The following GRAMD4 variants were observed in gnomAD, a reference collection of about 807,000 sequenced individuals.
The protein encoded by GRAMD4 is GRAM domain-containing protein 4.
GRAMD4 carries 25 observed loss-of-function variants against 83.9 expected under a neutral mutation model. That is an observed-to-expected ratio of 0.30 (90% CI 0.22 to 0.42). The LOEUF (loss-of-function observed/expected upper bound fraction) is 0.42. Ranked by LOEUF, GRAMD4 falls within the 10% of genes least tolerant of loss-of-function variation. GRAMD4 has a pLI of 1.00. For missense variants in GRAMD4, 593 were observed against 788.7 expected, an observed-to-expected ratio of 0.75 and a Z score of 2.97; for synonymous variants, 336 against 320.9, an observed-to-expected ratio of 1.05 and a Z score of -0.50.
intron 10 of GRAMD4, among the ~76,000 whole-genome samples, chr22:46,667,433 A>G (rs867212): frequency 0.23 from 35,668 of 152,242 alleles, 4,665 homozygotes; most frequent in East Asian, 0.38. Context: ...ACACCCATTC[A>G]TTTACATACT....
At chr22:46,641,180 C>A (rs984394047) in intron 3 of GRAMD4, among the ~76,000 whole-genome samples, 4 of 152,176 alleles carry the variant, frequency 2.6e-5, no homozygotes, top group African/African-American at 7.2e-5. Flanking sequence ...TCAAGCGATT[C>A]TCTGGCCTCA....
At chr22:46,634,817 C>T (rs531859206) in intron 2 of GRAMD4, among the ~76,000 whole-genome samples, 1 of 152,088 alleles carries the variant, frequency 6.6e-6, no homozygotes, top group Admixed American at 6.5e-5. Context: ...GTGGCAGGCA[C>T]CTGTAATTCC....
chr22:46,577,676 G>A (rs887022164), intron 1 of GRAMD4, among the ~76,000 whole-genome samples: 12 of 152,120 alleles, frequency 7.9e-5, no homozygotes, highest in Admixed American at 3.9e-4. Flanking sequence ...TCGTCCTGCC[G>A]ATCCACTCCC....
At chr22:46,594,502 G>C (rs1295591824) in intron 1 of GRAMD4, among the ~76,000 whole-genome samples, 1 of 152,112 alleles carries the variant, frequency 6.6e-6, no homozygotes, top group African/African-American at 2.4e-5. Flanking sequence ...GGCTGGGGTA[G>C]GGGGAGGCTC....
downstream of GRAMD4, among the ~76,000 whole-genome samples, chr22:46,680,079 G>T (rs2082652028): frequency 6.6e-6 from 1 of 152,226 alleles, no homozygotes; most frequent in African/African-American, 2.4e-5. Context: ...CGGCCTGCAG[G>T]GAGGGTACCC....
intron 1 of GRAMD4, among the ~76,000 whole-genome samples, chr22:46,602,594 C>T (rs1183261543): frequency 2.6e-5 from 4 of 151,544 alleles, no homozygotes; most frequent in Admixed American, 6.6e-5. Flanking sequence ...CCTGGGAGGT[C>T]GAGACTGCGG....
chr22:46,626,666 G>A (rs2081665192), intron 1 of GRAMD4, 85 bp from the exon 2 acceptor site: 2 of 805,044 alleles, frequency 2.5e-6, no homozygotes, highest in South Asian at 3.4e-5. Flanking sequence ...TTGGAAAGCT[G>A]GACCGGCTGT....
At chr22:46,593,649 T>C (rs956399981) in intron 1 of GRAMD4, among the ~76,000 whole-genome samples, 1 of 152,156 alleles carries the variant, frequency 6.6e-6, no homozygotes, top group Admixed American at 6.5e-5. Context: ...GGGCATAGAA[T>C]GGGATGCGTC....
chr22:46,667,730 G>T (rs1015864951), intron 10 of GRAMD4, among the ~76,000 whole-genome samples: 6 of 152,246 alleles, frequency 3.9e-5, no homozygotes, highest in African/African-American at 1.4e-4. Context: ...ACCTTGAGAG[G>T]CTCTTAACGA....
Position 46,672,739 on chromosome 22 carries a change from G to T in GRAMD4, c.1085-104G>T. 1 of 845,496 alleles carries T rather than the reference G, an allele frequency of 1.2e-6. No individual in the cohort carries two copies. 52.4% of individuals were successfully genotyped at this position (845,496 alleles called of 1,614,324 possible). A position where few individuals can be genotyped will look rare whatever the true frequency, so the allele number is the denominator to read the frequency against. Reference sequence around the variant, plus strand: ...GACTCTCACATCCAGGCTCAGGGTGGAGGGTGCCAATCTGGGAGGTGGGAG... The same window carrying T: ...GACTCTCACATCCAGGCTCAGGGTGTAGGGTGCCAATCTGGGAGGTGGGAG... On this transcript the variant is annotated intron_variant, in intron 13 of 18. Transcript: ENST00000406902. This position sits in a 1 kb window ranked among gnomAD's most constrained non-coding sequence, Gnocchi z 4.7.
chr22:46,664,853 C>T (rs1403401808), intron 8 of GRAMD4, among the ~76,000 whole-genome samples: 1 of 152,250 alleles, frequency 6.6e-6, no homozygotes, highest in Non-Finnish European at 1.5e-5. Flanking sequence ...TGGGAGAGGT[C>T]CCCAGATGAC....
rs578257263 is a variant in GRAMD4, at chr22:46,649,430, C to T, written c.284-8757C>T. The stretch of plus-strand genomic sequence containing the variant: ...GTCCAGCCCACAGGCTGTCAGATGC[C>T]GCGTGCCTCTCACAGGGAGAGGCAG... On this transcript the variant is annotated intron_variant, in intron 3 of 18. Coordinates refer to ENST00000406902, the MANE Select transcript of GRAMD4 (RefSeq NM_015124.5). Among the ~76,000 whole-genome samples, 84 of 152,326 alleles carry T rather than the reference C, an allele frequency of 5.5e-4. No homozygotes were observed. The South Asian group carries it at 6.4e-3, about 12-fold the overall frequency.
downstream of GRAMD4, among the ~76,000 whole-genome samples, chr22:46,680,413 A>G (rs1369738815): frequency 6.6e-6 from 1 of 151,950 alleles, no homozygotes; most frequent in African/African-American, 2.4e-5. Flanking sequence ...TTACACAGCA[A>G]GGGAGCTGGA....
At chr22:46,587,989 G>A in intron 1 of GRAMD4, 1 of 975,948 alleles carries the variant, frequency 1.0e-6, no homozygotes, top group African/African-American at 1.7e-5. Context: ...GCCTGGTCAG[G>A]AGGGGCACAG....
chr22:46,600,559 G>T (rs1274871839), intron 1 of GRAMD4, among the ~76,000 whole-genome samples: 1 of 152,206 alleles, frequency 6.6e-6, no homozygotes, highest in Non-Finnish European at 1.5e-5. Flanking sequence ...GAGGGACAGG[G>T]ATGCTGAGTG....
At chr22:46,589,221 T>C (rs1318342966) in intron 1 of GRAMD4, among the ~76,000 whole-genome samples, 1 of 146,800 alleles carries the variant, frequency 6.8e-6, no homozygotes, top group African/African-American at 2.5e-5. Flanking sequence ...CCTGGAGCCT[T>C]GTTAAAGAGG....
chr22:46,620,802 C>T lies in GRAMD4; in HGVS notation c.-50+237C>T, dbSNP rs1267372693. 6.6e-6 allele frequency among the ~76,000 whole-genome samples: 1 copy of T among 152,140 alleles called. No individual in the cohort carries two copies. Among genetic ancestry groups the T allele is most frequent in the Non-Finnish European group, 1.5e-5 (1 of 68,006 alleles). ...GGGTCCAGTGAGGAAGGGTGGAGGC[C>T]TCCTGAGAACCTGGCCTGGTCAGGA... On this transcript the variant is annotated intron_variant, in intron 1 of 18. Transcript: ENST00000406902. The surrounding 1 kb of genome is among the most constrained non-coding windows in gnomAD (Gnocchi z 4.7).
Position 46,663,045 on chromosome 22 carries a change from C to T in GRAMD4, c.472C>T (p.Arg158Trp), listed in dbSNP as rs141819452. The change falls in exon 6 of 19, where the codon CGG becomes TGG. Residue 158 changes from arginine (R) to tryptophan (W), a missense_variant. Arg to Trp is a moderately radical substitution (Grantham distance 101, BLOSUM62 -3). Coordinates refer to ENST00000406902, the MANE Select transcript of GRAMD4 (RefSeq NM_015124.5). ...QAQASNGAER[R>W]SQGLSSRLQK... ...CGGGTCCCTGCCCCCTGCAGAGCGC[C>T]GGAGCCAGGGGCTGTCCTCGCGCCT... 2.5e-5 allele frequency: 41 copies of T among 1,607,920 alleles called. No individual in the cohort carries two copies. The highest frequency in any genetic ancestry group is 1.3e-4 in the South Asian group (12 of 90,778).
At chr22:46,597,149 C>T (rs1182205658) in intron 1 of GRAMD4, among the ~76,000 whole-genome samples, 1 of 152,150 alleles carries the variant, frequency 6.6e-6, no homozygotes, top group African/African-American at 2.4e-5. Context: ...GAGAGGTTTC[C>T]TTGGCTGCTG....
Sources: gnomAD v4.1 joint callset for allele counts (sites outside exome capture counted in the v4.1 genomes callset) on GRCh38, gnomAD v4.1.1 for gene constraint, Gnocchi (gnomAD v3.1) non-coding constraint, MANE v1.5 for transcripts, NCBI Gene and HGNC (gene_info 2026-07-23, HGNC 2026-07-21) for gene names.